The following CSMD1 variants were observed in gnomAD, a reference collection of about 807,000 sequenced individuals.
The protein encoded by CSMD1 is CUB and sushi domain-containing protein 1.
In CSMD1, 213 loss-of-function variants were observed where a neutral mutation model predicts 417.5. That is an observed-to-expected ratio of 0.51 (90% CI 0.46 to 0.57). The LOEUF (loss-of-function observed/expected upper bound fraction) is 0.57, where lower values mean the gene tolerates loss of function less well. CSMD1 is among the 20% of genes least tolerant of loss of function. The pLI, the probability that CSMD1 is intolerant of heterozygous loss-of-function variation, is 0.00. For missense variants in CSMD1, 6,923 were observed against 4,529.7 expected, an observed-to-expected ratio of 1.53 and a Z score of -15.17; for synonymous variants, 2,862 against 1,736.8, an observed-to-expected ratio of 1.65 and a Z score of -16.11.
chr8:3,490,156 T>C (rs1258591848), intron 11 of CSMD1, among the ~76,000 whole-genome samples: 2 of 152,254 alleles, frequency 1.3e-5, no homozygotes, highest in Admixed American at 1.3e-4. Context: ...TAAGGACATA[T>C]ATCAGTGGCT....
intron 3 of CSMD1, among the ~76,000 whole-genome samples, chr8:4,125,141 G>T (rs1420314759): frequency 1.3e-5 from 2 of 152,040 alleles, no homozygotes; most frequent in African/African-American, 4.8e-5. Flanking sequence ...CCTTTGATCA[G>T]GAGAAGACTT....
chr8:4,419,734 T>C (rs1329765435), intron 3 of CSMD1, among the ~76,000 whole-genome samples: 1 of 152,136 alleles, frequency 6.6e-6, no homozygotes, highest in African/African-American at 2.4e-5. Context: ...AGAAGAAAAG[T>C]TCTAGTGATA....
chr8:3,059,472 C>T (rs927714715), intron 49 of CSMD1, among the ~76,000 whole-genome samples: 1 of 152,126 alleles, frequency 6.6e-6, no homozygotes, highest in African/African-American at 2.4e-5. Flanking sequence ...TTGTGAGCCG[C>T]TGTGAAGCGA....
At chr8:4,236,946 G>C (rs145018365) in intron 3 of CSMD1, among the ~76,000 whole-genome samples, 2 of 152,304 alleles carry the variant, frequency 1.3e-5, no homozygotes, top group Non-Finnish European at 2.9e-5. Flanking sequence ...TTCAAGTTCA[G>C]TTTCCTCAGG....
intron 5 of CSMD1, among the ~76,000 whole-genome samples, chr8:3,926,096 C>CAA (rs1809682793): frequency 1.2e-5 from 1 of 81,142 alleles, no homozygotes; most frequent in African/African-American, 5.3e-5. Context: ...CACACACACA[C>CAA]ACACACACAC....
intron 10 of CSMD1, among the ~76,000 whole-genome samples, chr8:3,517,958 T>C (rs1214617838): frequency 6.6e-6 from 1 of 152,170 alleles, no homozygotes; most frequent in Non-Finnish European, 1.5e-5. Flanking sequence ...TCTTCATGAA[T>C]TATTAAACCT....
chr8:4,666,093 C>T (rs1236049477), intron 1 of CSMD1, among the ~76,000 whole-genome samples: 4 of 152,068 alleles, frequency 2.6e-5, no homozygotes, highest in African/African-American at 7.2e-5. Context: ...TTCTAGGTAA[C>T]GTTTCTGTGG....
Position 3,569,870 on chromosome 8 carries a change from C to T in CSMD1, c.1344+5075G>A, listed in dbSNP as rs73658197. ...TGTGCGGGTATGTCAACCTGGAATA[C>T]CTTGTTTCTTCTCTGAACATTTCTC... On this transcript the variant is annotated intron_variant, in intron 10 of 69. Coordinates refer to ENST00000635120, the MANE Select transcript of CSMD1 (RefSeq NM_033225.6). 6.5e-3 allele frequency among the ~76,000 whole-genome samples: 983 copies of T among 152,168 alleles called. 11 individuals are homozygous for T. The highest frequency in any genetic ancestry group is 0.023 in the African/African-American group (936 of 41,526).
chr8:3,327,971 C>A (rs1477804257), intron 23 of CSMD1, among the ~76,000 whole-genome samples: 7 of 152,052 alleles, frequency 4.6e-5, no homozygotes, highest in South Asian at 2.1e-4. Flanking sequence ...CAGAATGCAT[C>A]TCTGTGTATA....
At chr8:4,400,865 G>C (rs767899873) in intron 3 of CSMD1, among the ~76,000 whole-genome samples, 1 of 149,938 alleles carries the variant, frequency 6.7e-6, no homozygotes, top group Non-Finnish European at 1.5e-5. Flanking sequence ...CAGAAAAATT[G>C]AACTCAACAT....
intron 5 of CSMD1, among the ~76,000 whole-genome samples, chr8:3,861,620 T>C (rs1804715301): frequency 6.6e-6 from 1 of 152,226 alleles, no homozygotes; most frequent in Non-Finnish European, 1.5e-5. Context: ...CACATTCATC[T>C]AGGTGAAGCT....
At chr8:4,066,791 G>A (rs577402027) in intron 3 of CSMD1, among the ~76,000 whole-genome samples, 2 of 152,284 alleles carry the variant, frequency 1.3e-5, no homozygotes, top group African/African-American at 2.4e-5. Flanking sequence ...ACGAATGCAA[G>A]CTCTGCCTGT....
At chr8:4,943,547 C>T (rs974185863) in intron 1 of CSMD1, among the ~76,000 whole-genome samples, 2 of 151,584 alleles carry the variant, frequency 1.3e-5, no homozygotes, top group African/African-American at 4.8e-5. Flanking sequence ...ATAAAATCAT[C>T]ACCTCTCTGT....
chr8:3,513,776 A>C (rs1797175641), intron 10 of CSMD1, among the ~76,000 whole-genome samples: 1 of 152,236 alleles, frequency 6.6e-6, no homozygotes, highest in Admixed American at 6.5e-5. Context: ...TTCACCAAAC[A>C]CATGAGAGAT....
intron 2 of CSMD1, among the ~76,000 whole-genome samples, chr8:4,455,240 T>A (rs1188886578): frequency 6.6e-6 from 1 of 152,206 alleles, no homozygotes; most frequent in Admixed American, 6.5e-5. Context: ...AAATATTTGT[T>A]GGCCTTTTCC....
chr8:4,660,311 G>C (rs528342504), intron 1 of CSMD1, among the ~76,000 whole-genome samples: 1 of 152,070 alleles, frequency 6.6e-6, no homozygotes, highest in East Asian at 1.9e-4. Context: ...ACAATTTAAA[G>C]CCATTCAAAA....
chr8:4,355,889 C>G (rs547012921), intron 3 of CSMD1, among the ~76,000 whole-genome samples: 1 of 152,016 alleles, frequency 6.6e-6, no homozygotes, highest in East Asian at 1.9e-4. Flanking sequence ...ATTTAAACAG[C>G]GCAGGTGAGT....
At chr8:4,438,336 T>C (rs772083234) in intron 2 of CSMD1, among the ~76,000 whole-genome samples, 1 of 152,192 alleles carries the variant, frequency 6.6e-6, no homozygotes, top group Non-Finnish European at 1.5e-5. Flanking sequence ...ATCTCCAGTC[T>C]CTGAACTCTG....
At chr8:4,143,746 G>A (rs1803940397) in intron 3 of CSMD1, among the ~76,000 whole-genome samples, 1 of 151,112 alleles carries the variant, frequency 6.6e-6, no homozygotes, top group African/African-American at 2.5e-5. Context: ...GTGAAAGGGG[G>A]GATTTATTAA....
Sources: gnomAD v4.1 joint callset for allele counts (sites outside exome capture counted in the v4.1 genomes callset) on GRCh38, gnomAD v4.1.1 for gene constraint, MANE v1.5 for transcripts, NCBI Gene and HGNC (gene_info 2026-07-23, HGNC 2026-07-21) for gene names.